Variants in SACS observed in about 807,000 individuals in gnomAD.
The protein encoded by SACS is sacsin molecular chaperone, also known as sacsin.
Under a neutral mutation model 348.0 loss-of-function variants are expected in SACS, and 197 were observed. The observed-to-expected ratio is 0.57, with a 90% CI of 0.50 to 0.64. The LOEUF (loss-of-function observed/expected upper bound fraction) is 0.64. Ranked by LOEUF, SACS falls within the 30% of genes least tolerant of loss-of-function variation. The pLI, the probability that SACS is intolerant of heterozygous loss-of-function variation, is 0.00. For missense variants in SACS, 4,999 were observed against 5,360.8 expected (o/e 0.93, Z 2.11); for synonymous variants, 1,985 against 1,910.6 (o/e 1.04, Z -1.02).
rs281865117 is a variant in SACS at position 23,335,031 on chromosome 13, TA to T, written c.8844del (p.Ile2949PhefsTer4). 47 of 1,613,368 alleles carry T rather than the reference TA, an allele frequency of 2.9e-5. No homozygotes were observed. Among genetic ancestry groups the T allele is most frequent in the Non-Finnish European group, 3.7e-5 (44 of 1,179,552 alleles). On this transcript the variant is annotated frameshift_variant, in exon 10 of 10. Transcript: ENST00000382292. LOFTEE classifies it high-confidence loss of function. This position sits in a 1 kb window ranked among gnomAD's most constrained non-coding sequence, Gnocchi z 4.7. The stretch of plus-strand genomic sequence containing the variant: ...TTTAAAGTGTCCTTTACAACATGAA[TA>T]GGGGTGTTCTGTAACACTGATAATG... Reference protein sequence around the residue: ...DPTLSVLQNTPIHVVKDTLKK... With the variant: ...DPTLSVLQNTXIHVVKDTLKK...
rs1021813718 is a variant in SACS, at chr13:23,337,050, A to G, written c.6826T>C (p.Leu2276=). The G allele has an allele frequency of 6.2e-7, 1 of 1,614,032 alleles. No homozygotes were observed. The highest frequency in any genetic ancestry group is 1.7e-5 in the Admixed American group (1 of 60,020). ...HSFRGCGSVS[L]AVKEFLGLLK... ...AATCCCAAAAACTCTTTAACAGCCA[A>G]TGACACTGAACCACAACCTCTAAAA... Residue 2276 remains leucine, a synonymous_variant, in exon 10 of 10, where the codon TTG becomes CTG. Coordinates refer to ENST00000382292, the MANE Select transcript of SACS (RefSeq NM_014363.6).
chr13:23,330,414 C>T lies in SACS; in HGVS notation c.13462G>A (p.Ala4488Thr), dbSNP rs773399201. 6.2e-7 allele frequency: 1 copy of T among 1,614,186 alleles called. No individual in the cohort carries two copies. Among genetic ancestry groups the T allele is most frequent in the South Asian group, 1.1e-5 (1 of 91,076 alleles). The change falls in exon 10 of 10, where the codon GCT becomes ACT. Residue 4488 changes from alanine (A) to threonine (T), a missense_variant. This residue lies in a region of SACS where 254 missense variants were observed against 275.1 expected (regional missense o/e 0.92). Coordinates refer to ENST00000382292, the MANE Select transcript of SACS (RefSeq NM_014363.6). ...YLSTKLALIA[A>T]DYAVRGKSDK... is the part of the protein sequence containing the mutation. The stretch of plus-strand genomic sequence containing the variant: ...GACTTTCCCCTCACAGCATAGTCAG[C>T]TGCAATCAAAGCTAACTTGGTAGAA...
chr13:23,336,946 C>G lies in SACS; in HGVS notation c.6930G>C (p.Leu2310=), dbSNP rs780625472. 1.9e-6 allele frequency: 3 copies of G among 1,613,872 alleles called. No homozygotes were observed. Among genetic ancestry groups the G allele is most frequent in the African/African-American group, 1.3e-5 (1 of 75,014 alleles). The change falls in exon 10 of 10, where the codon CTG becomes CTC. Residue 2310 remains leucine, a synonymous_variant. Transcript: ENST00000382292. ...AAGCATTGGTGATATTCTCCTGGTA[C>G]AGTGTAATTCCATCATCAACTGATT... is the stretch of plus-strand genomic sequence containing the variant. The part of the protein sequence containing the change: ...VAKSVDDGIT[L]YQENITNACY...
rs779338945 is a variant in SACS at position 23,333,186 on chromosome 13, TAAAG to T, written c.10686_10689del (p.Phe3562LeufsTer8). 5.0e-6 allele frequency: 8 copies of T among 1,604,238 alleles called. No homozygotes were observed. The highest frequency in any genetic ancestry group is 3.4e-5 in the Admixed American group (2 of 58,236). ...GGTTTTATAAGTTGTTCCAATTTCT[TAAAG>T]AAATCATTAGGAATAAACAATTTTT... On this transcript the variant is annotated frameshift_variant, in exon 10 of 10. Transcript: ENST00000382292. LOFTEE classifies it high-confidence loss of function.
Position 23,388,495 on chromosome 13 carries a change from A to G in SACS, c.21-13226T>C, listed in dbSNP as rs962052018. ...AAAAATATGGTGTGTGTGTATATAT[A>G]TATATATATATATACACACACATAC... On this transcript the variant is annotated intron_variant, in intron 2 of 9. Coordinates refer to ENST00000382292, the MANE Select transcript of SACS (RefSeq NM_014363.6). Among the ~76,000 whole-genome samples the G allele has an allele frequency of 2.4e-4, 35 of 147,852 alleles. No homozygotes were observed. The South Asian group carries it at 5.9e-3, about 25-fold the overall frequency.
chr13:23,365,229 A>C lies in SACS; in HGVS notation c.394T>G (p.Leu132Val), dbSNP rs553107347. 26 of 1,612,828 alleles carry C rather than the reference A, an allele frequency of 1.6e-5. No homozygotes were observed. In the South Asian group the frequency reaches 2.8e-4, roughly 17 times the overall value. The change falls in exon 6 of 10, where the codon TTA becomes GTA. Residue 132 changes from leucine to valine, a missense_variant. Around this residue, in one of 6 missense-constraint regions of SACS, gnomAD observed 3,156 missense variants for 3,380.1 expected, o/e 0.93. Coordinates refer to ENST00000382292, the MANE Select transcript of SACS (RefSeq NM_014363.6). ...EDAGATEVKF[L>V]YDETQYGTET... is the part of the protein sequence containing the mutation. Reference sequence around the variant, plus strand: ...GTTCCGTATTGAGTTTCATCATATAAAAATTTAACTTCTGTCGCCCCAGCA... The same window carrying C: ...GTTCCGTATTGAGTTTCATCATATACAAATTTAACTTCTGTCGCCCCAGCA...
chr13:23,333,754 A>C lies in SACS; in HGVS notation c.10122T>G (p.Phe3374Leu). The C allele has an allele frequency of 6.2e-7, 1 of 1,613,876 alleles. No homozygotes were observed. The highest frequency in any genetic ancestry group is 1.1e-5 in the South Asian group (1 of 91,076). ...CATTTTCTACTAATTTTTCTGCTCT[A>C]AATGTTGAAGTTTGGACCATATAAT... ...ALHYMVQTST[F>L]RAEKLVENDF... Residue 3374 changes from phenylalanine (F) to leucine (L), a missense_variant, in exon 10 of 10, where the codon TTT becomes TTG. Physicochemically the swap from Phe to Leu is conservative, Grantham distance 22. This residue lies in a region of SACS where 734 missense variants were observed against 694.0 expected (regional missense o/e 1.06). Transcript: ENST00000382292.
Position 23,331,604 on chromosome 13 carries a change from G to A in SACS, c.12272C>T (p.Ser4091Leu). The change falls in exon 10 of 10, where the codon TCA (serine) becomes TTA (leucine). Residue 4091 changes from serine to leucine, a missense_variant. Transcript: ENST00000382292. ...NAVILLYIQHSDSKDINFLLA... is the reference protein window; with the variant it reads ...NAVILLYIQHLDSKDINFLLA... ...CAGGAAATTAATGTCTTTACTGTCT[G>A]AATGTTGAATGTAGAGCAAGATGAC... is the stretch of plus-strand genomic sequence containing the variant. 2 of 1,613,946 alleles carry A rather than the reference G, an allele frequency of 1.2e-6. No individual in the cohort carries two copies. The highest frequency in any genetic ancestry group is 1.7e-6 in the Non-Finnish European group (2 of 1,179,906).
At chr13:23,427,834 C>T (rs561876268) in intron 1 of SACS, 3 of 152,116 alleles carry the variant, frequency 2.0e-5, no homozygotes, top group Admixed American at 6.5e-5. Context: ...TCCCCGAGGA[C>T]GAGGACGGGA....
intron 5 of SACS, among the ~76,000 whole-genome samples, chr13:23,365,913 A>G (rs867900780): frequency 1.3e-5 from 2 of 152,130 alleles, no homozygotes; most frequent in Non-Finnish European, 2.9e-5. Flanking sequence ...AAGGGTGACC[A>G]GCTCCCCGTA....
At chr13:23,374,778 T>C (rs1267517382) in intron 3 of SACS, among the ~76,000 whole-genome samples, 1 of 152,198 alleles carries the variant, frequency 6.6e-6, no homozygotes, top group Non-Finnish European at 1.5e-5. Context: ...ACCAACATTC[T>C]ACTTAAACTT....
At chr13:23,368,314 A>C in intron 5 of SACS, 88 bp downstream of exon 5, 1 of 971,878 alleles carries the variant, frequency 1.0e-6, no homozygotes. Flanking sequence ...CATTTTAAAA[A>C]TTTAAACACT....
At chr13:23,408,051 C>T (rs770002419) in intron 2 of SACS, among the ~76,000 whole-genome samples, 1 of 152,100 alleles carries the variant, frequency 6.6e-6, no homozygotes, top group Non-Finnish European at 1.5e-5. Flanking sequence ...CTGTTGCAAT[C>T]GTCTTGATGC....
In SACS at chr13:23,335,619, C is replaced by T; in HGVS notation, c.8257G>A (p.Asp2753Asn). 1 of 1,613,880 alleles carries T rather than the reference C, an allele frequency of 6.2e-7. No homozygotes were observed. Among genetic ancestry groups the T allele is most frequent in the African/African-American group, 1.3e-5 (1 of 75,022 alleles). Reference protein sequence around the residue: ...HMEKISICEIDKSTGALNVLY... With the variant: ...HMEKISICEINKSTGALNVLY... Reference sequence around the variant, plus strand: ...ACATTTAGAGCTCCAGTACTCTTATCTATTTCACAAATAGAAATTTTTTCC... The same window carrying T: ...ACATTTAGAGCTCCAGTACTCTTATTTATTTCACAAATAGAAATTTTTTCC... Residue 2753 changes from aspartate to asparagine, a missense_variant, in exon 10 of 10, where the codon GAT becomes AAT. By Grantham distance (23) the Asp-to-Asn change is conservative. Coordinates refer to ENST00000382292, the MANE Select transcript of SACS (RefSeq NM_014363.6). This position sits in a 1 kb window ranked among gnomAD's most constrained non-coding sequence, Gnocchi z 4.7.
At chr13:23,408,721 T>C (rs1873339240) in intron 2 of SACS, among the ~76,000 whole-genome samples, 1 of 152,088 alleles carries the variant, frequency 6.6e-6, no homozygotes, top group Admixed American at 6.5e-5. Context: ...ATCCCAGCAC[T>C]TCGGGAGGCC....
rs752943692 is a variant in SACS, at chr13:23,399,019, C to CAAAAAAAAA, written c.20+12192_20+12200dup. Among the ~76,000 whole-genome samples the CAAAAAAAAA allele has an allele frequency of 2.0e-3, 134 of 67,118 alleles. 11 individuals are homozygous for CAAAAAAAAA. Among genetic ancestry groups the CAAAAAAAAA allele is most frequent in the Admixed American group, 4.2e-3 (20 of 4,796 alleles). The allele number at this position is 67,118 out of a possible 152,430, so 44.0% of individuals were successfully genotyped here. On this transcript the variant is annotated intron_variant, in intron 2 of 9. Transcript: ENST00000382292. ...CTGGTAACAGAGTGAGACTCCATCT[C>CAAAAAAAAA]AAAAAAAAAAAAAAAAAACATGGAT...
chr13:23,369,051 T>G (rs1212589943), intron 4 of SACS, among the ~76,000 whole-genome samples: 1 of 152,212 alleles, frequency 6.6e-6, no homozygotes, highest in African/African-American at 2.4e-5. Flanking sequence ...TTCAAAAATA[T>G]AATAACTATT....
At position 23,332,197 on chromosome 13, in the gene SACS, G is replaced by C. The variant is rs755241961; in HGVS notation, c.11679C>G (p.Val3893=). ...GLFRSLQNDS[V]KVRSDLENVR... is the part of the protein sequence containing the mutation. Reference sequence around the variant, plus strand: ...CATTCTCGAGATCACTCCTCACCTTGACTGAATCATTCTGTAGACTCCTGA... The same window carrying C: ...CATTCTCGAGATCACTCCTCACCTTCACTGAATCATTCTGTAGACTCCTGA... Residue 3893 remains valine, a synonymous_variant, in exon 10 of 10, where the codon GTC becomes GTG. Transcript: ENST00000382292. The C allele has an allele frequency of 6.2e-7, 1 of 1,613,956 alleles. No homozygotes were observed. The highest frequency in any genetic ancestry group is 2.2e-5 in the East Asian group (1 of 44,884).
At chr13:23,426,466 C>T (rs534875279) in intron 1 of SACS, among the ~76,000 whole-genome samples, 2 of 152,198 alleles carry the variant, frequency 1.3e-5, no homozygotes, top group South Asian at 2.1e-4. Context: ...CATGGTGAAA[C>T]CCCGTCTCTA....
Sources: gnomAD v4.1 joint callset for allele counts (sites outside exome capture counted in the v4.1 genomes callset) on GRCh38, gnomAD v4.1.1 for gene constraint, gnomAD v4.1.1 regional missense constraint, Gnocchi (gnomAD v3.1) non-coding constraint, MANE v1.5 for transcripts, NCBI Gene and HGNC (gene_info 2026-07-23, HGNC 2026-07-21) for gene names.